TBC1D19: variants seen among roughly 807,000 people sequenced by gnomAD.
TBC1D19 encodes TBC1 domain family, member 19.
A neutral mutation model predicts 89.0 loss-of-function variants in TBC1D19; 60 were observed. The observed-to-expected ratio is 0.67, with a 90% CI of 0.55 to 0.84. TBC1D19 has a LOEUF of 0.84. Among genes scored for constraint, TBC1D19 ranks in the 40% least tolerant of loss-of-function variants. The probability of loss-of-function intolerance (pLI) is 0.00; values close to 1 mark genes in which losing one functional copy is unlikely to be tolerated. For missense variants in TBC1D19, 500 were observed against 610.8 expected (o/e 0.82, Z 1.91); for synonymous variants, 189 against 199.7 (o/e 0.95, Z 0.45).
In TBC1D19 at chr4:26,734,934, G is replaced by A. The variant is rs796671454; in HGVS notation, c.1085-521G>A. 4.2e-4 allele frequency among the ~76,000 whole-genome samples: 50 copies of A among 118,088 alleles called. No individual in the cohort carries two copies. The South Asian group carries it at 7.3e-3, about 17-fold the overall frequency. 77.5% of individuals were successfully genotyped at this position (118,088 alleles called of 152,430 possible). On this transcript the variant is annotated intron_variant, in intron 15 of 20. Coordinates refer to ENST00000264866, the MANE Select transcript of TBC1D19 (RefSeq NM_018317.4). ...CACATGTGTACATACACATATATGT[G>A]TGTATATATGTATACACATATGTAT...
At chr4:26,809,688 G>A in the TBC1D19 span, among the ~76,000 whole-genome samples, 14 of 152,122 alleles carry the variant, frequency 9.2e-5, no homozygotes, top group Non-Finnish European at 1.9e-4. Flanking sequence ...GGCAATGGTG[G>A]GGAGCCAGCC....
the TBC1D19 span, among the ~76,000 whole-genome samples, chr4:26,770,183 G>T: frequency 4.0e-5 from 6 of 151,812 alleles, no homozygotes; most frequent in Non-Finnish European, 8.8e-5. Flanking sequence ...GATTAAAAAA[G>T]ATGAGACCTA....
At chr4:26,808,026 A>G in the TBC1D19 span, among the ~76,000 whole-genome samples, 3 of 152,260 alleles carry the variant, frequency 2.0e-5, no homozygotes, top group African/African-American at 7.2e-5. Flanking sequence ...CAGGCAGTCT[A>G]GCTCCAGAGC....
chr4:26,609,184 T>C (rs2110005683), intron 1 of TBC1D19, among the ~76,000 whole-genome samples: 1 of 151,732 alleles, frequency 6.6e-6, no homozygotes, highest in African/African-American at 2.4e-5. Flanking sequence ...ATTGTGCACA[T>C]GTACCCTAAA....
intron 18 of TBC1D19, among the ~76,000 whole-genome samples, chr4:26,744,299 A>G (rs1718526577): frequency 6.6e-6 from 1 of 151,620 alleles, no homozygotes; most frequent in African/African-American, 2.4e-5. Flanking sequence ...CAGGTTTATC[A>G]ATTTTATTCA....
chr4:26,839,198 G>GTT, the TBC1D19 span, among the ~76,000 whole-genome samples: 1 of 150,760 alleles, frequency 6.6e-6, no homozygotes, highest in African/African-American at 2.4e-5. Context: ...AACAAAAAGG[G>GTT]TTTTTTTTTC....
intron 15 of TBC1D19, among the ~76,000 whole-genome samples, chr4:26,728,163 A>G (rs1252134094): frequency 6.6e-6 from 1 of 152,210 alleles, no homozygotes; most frequent in African/African-American, 2.4e-5. Flanking sequence ...AGATGAAAAT[A>G]TTAATAATGT....
intron 13 of TBC1D19, among the ~76,000 whole-genome samples, chr4:26,703,724 C>G (rs1206727643): frequency 6.6e-6 from 1 of 150,976 alleles, no homozygotes; most frequent in African/African-American, 2.4e-5. Context: ...GAGGCCAAGG[C>G]GGGTGGATCA....
the TBC1D19 span, among the ~76,000 whole-genome samples, chr4:26,805,624 A>G: frequency 1.3e-5 from 2 of 152,132 alleles, no homozygotes; most frequent in Non-Finnish European, 2.9e-5. Flanking sequence ...GGGATAACCC[A>G]GACCCCATCT....
At chr4:26,595,750 C>CA (rs1740166844) in intron 1 of TBC1D19, among the ~76,000 whole-genome samples, 1 of 151,092 alleles carries the variant, frequency 6.6e-6, no homozygotes, top group Admixed American at 6.6e-5. Flanking sequence ...ACTCATTTGT[C>CA]AAAAATGAGT....
At chr4:26,725,302 C>T (rs1717240037) in intron 15 of TBC1D19, among the ~76,000 whole-genome samples, 1 of 152,160 alleles carries the variant, frequency 6.6e-6, no homozygotes, top group South Asian at 2.1e-4. Flanking sequence ...TCTAACAGTT[C>T]CTGCCAGCTT....
intron 4 of TBC1D19, among the ~76,000 whole-genome samples, chr4:26,626,623 C>G (rs1183526046): frequency 6.6e-6 from 1 of 151,988 alleles, no homozygotes; most frequent in Admixed American, 6.6e-5. Flanking sequence ...CTCAGAAATG[C>G]TCAGGCAAAC....
At chr4:26,766,927 G>A in the TBC1D19 span, among the ~76,000 whole-genome samples, 66 of 152,276 alleles carry the variant, frequency 4.3e-4, no homozygotes, top group African/African-American at 1.2e-3. Context: ...ACAATTAATA[G>A]GTATGTAGTG....
chr4:26,785,994 T>C, the TBC1D19 span, among the ~76,000 whole-genome samples: 1 of 152,208 alleles, frequency 6.6e-6, no homozygotes, highest in Admixed American at 6.5e-5. Context: ...TTTCCTGTGA[T>C]TACAATCTCA....
At chr4:26,597,231 G>T (rs2109969919) in intron 1 of TBC1D19, among the ~76,000 whole-genome samples, 1 of 152,204 alleles carries the variant, frequency 6.6e-6, no homozygotes, top group Non-Finnish European at 1.5e-5. Flanking sequence ...TTTTGCTTAT[G>T]TATTTAAAGG....
chr4:26,707,011 G>A (rs546004768), intron 13 of TBC1D19, among the ~76,000 whole-genome samples: 1 of 151,890 alleles, frequency 6.6e-6, no homozygotes, highest in South Asian at 2.1e-4. Flanking sequence ...TAGTTCTTGG[G>A]TAAAGTGTTC....
intron 7 of TBC1D19, among the ~76,000 whole-genome samples, chr4:26,658,700 A>T (rs1276548121): frequency 3.3e-5 from 5 of 152,062 alleles, no homozygotes; most frequent in African/African-American, 7.2e-5. Flanking sequence ...CACAATATTG[A>T]TTCTTCCCAT....
At chr4:26,611,964 A>T (rs2110012691) in intron 1 of TBC1D19, among the ~76,000 whole-genome samples, 1 of 152,116 alleles carries the variant, frequency 6.6e-6, no homozygotes, top group African/African-American at 2.4e-5. Flanking sequence ...AATTAGGCAA[A>T]ACCGTTCCCT....
At chr4:26,686,058 T>C (rs569000556) in intron 12 of TBC1D19, among the ~76,000 whole-genome samples, 2 of 152,338 alleles carry the variant, frequency 1.3e-5, no homozygotes, top group East Asian at 3.9e-4. Flanking sequence ...CTCTGGTTAT[T>C]TTTGACTTAG....
Sources: allele counts gnomAD v4.1 joint callset (sites outside exome capture counted in the v4.1 genomes callset), GRCh38; gene constraint gnomAD v4.1.1; transcripts MANE v1.5; gene names NCBI Gene and HGNC (gene_info 2026-07-23, HGNC 2026-07-21).